CD46: variants seen among roughly 807,000 people sequenced by gnomAD.
The protein encoded by CD46 is CD46 molecule.
A neutral mutation model predicts 53.3 loss-of-function variants in CD46; 30 were observed. The observed-to-expected ratio is 0.56, with a 90% CI of 0.42 to 0.76. CD46 has a LOEUF of 0.76. Ranked by LOEUF, CD46 falls within the 30% of genes least tolerant of loss-of-function variation. CD46 has a pLI of 0.00. For synonymous variants in CD46, 142 were observed against 152.0 expected, an observed-to-expected ratio of 0.93 and a Z score of 0.48; for missense variants, 409 against 463.0, an observed-to-expected ratio of 0.88 and a Z score of 1.07.
At chr1:207,780,256 TATA>T (rs1658605312) in intron 8 of CD46, among the ~76,000 whole-genome samples, 1 of 152,052 alleles carries the variant, frequency 6.6e-6, no homozygotes, top group Non-Finnish European at 1.5e-5. Context: ...TTTATATAAT[TATA>T]ATAAGTGGAG....
intron 9 of CD46, among the ~76,000 whole-genome samples, chr1:207,783,990 C>T (rs548383865): frequency 6.6e-6 from 1 of 152,282 alleles, no homozygotes; most frequent in African/African-American, 2.4e-5. Flanking sequence ...GTACTAGGGA[C>T]AGAAACAGTT....
chr1:207,779,913 C>CTTTTTGTTTTTTTT (rs1658544202), intron 8 of CD46, among the ~76,000 whole-genome samples: 1 of 62,384 alleles, frequency 1.6e-5, no homozygotes, highest in Non-Finnish European at 3.0e-5. Flanking sequence ...AAAAGCAAGT[C>CTTTTTGTTTTTTTT]TTTTTTTTTT....
intron 8 of CD46, among the ~76,000 whole-genome samples, chr1:207,775,938 C>T (rs1658052558): frequency 6.6e-6 from 1 of 152,216 alleles, no homozygotes; most frequent in Admixed American, 6.5e-5. Context: ...GCAGAAGCTG[C>T]TGCGTTTTGT....
chr1:207,761,504 A>G lies in CD46; in HGVS notation c.673+58A>G, dbSNP rs4844390. On this transcript the variant is annotated intron_variant, in intron 5 of 12. Coordinates refer to ENST00000367042, the MANE Select transcript of CD46 (RefSeq NM_172351.3). ...TAAATACTATGGAAACATTTTGTAA[A>G]TAGTTTCATCTACAGATAAACAAAG... The G allele has an allele frequency of 0.2, 279,216 of 1,402,798 alleles. 30,650 individuals are homozygous for G. The highest frequency in any genetic ancestry group is 0.27 in the Admixed American group (15,713 of 59,146). The allele number at this position is 1,402,798 out of a possible 1,614,324, so 86.9% of individuals were successfully genotyped here.
chr1:207,757,466 A>C, intron 2 of CD46, 74 bp from the exon 3 acceptor site: 1 of 918,184 alleles, frequency 1.1e-6, no homozygotes, highest in Non-Finnish European at 1.8e-6. Flanking sequence ...TCAAAAGAGC[A>C]CTGCAGAATT....
intron 9 of CD46, chr1:207,783,586 G>A (rs1658992974): frequency 6.6e-6 from 2 of 302,930 alleles, no homozygotes; most frequent in Admixed American, 4.7e-5. Flanking sequence ...AGCAATCTAA[G>A]TTGGGTTTAT....
At chr1:207,776,055 T>C (rs1658067632) in intron 8 of CD46, among the ~76,000 whole-genome samples, 1 of 152,194 alleles carries the variant, frequency 6.6e-6, no homozygotes, top group South Asian at 2.1e-4. Context: ...GTTTACACTG[T>C]GAGCTACTCA....
In CD46 at chr1:207,760,994, G is replaced by A. The variant is rs954002356; in HGVS notation, c.476-255G>A. 8 of 452,432 alleles carry A rather than the reference G, an allele frequency of 1.8e-5. No homozygotes were observed. In the Admixed American group the frequency reaches 2.9e-4, roughly 16 times the overall value. The allele number at this position is 452,432 out of a possible 1,614,324, so 28.0% of individuals were successfully genotyped here. A position where few individuals can be genotyped will look rare whatever the true frequency, so the allele number is the denominator to read the frequency against. On this transcript the variant is annotated intron_variant, in intron 4 of 12. Coordinates refer to ENST00000367042, the MANE Select transcript of CD46 (RefSeq NM_172351.3). The stretch of plus-strand genomic sequence containing the variant: ...TACAATTTGACATGCGATTTGGTGG[G>A]GACACAGATCCAAACCATATCAATA...
At chr1:207,793,418 A>G (rs1437805223) in intron 12 of CD46, 101 bp from the exon 13 acceptor site, 27 of 864,550 alleles carry the variant, frequency 3.1e-5, no homozygotes, top group Non-Finnish European at 4.4e-5. Flanking sequence ...GCTCATTACT[A>G]TATTTTTTTA....
chr1:207,783,366 T>G, intron 9 of CD46, 36 bp downstream of exon 9: 1 of 1,331,520 alleles, frequency 7.5e-7, no homozygotes, highest in Admixed American at 1.7e-5. Flanking sequence ...TAAGTGGTAG[T>G]ATGTGTAGAA....
chr1:207,763,370 C>G (rs1433914725), intron 5 of CD46: 1 of 152,456 alleles, frequency 6.6e-6, no homozygotes, highest in East Asian at 1.9e-4. Context: ...CTAATTCCAG[C>G]AGGGTCTGCA....
At chr1:207,760,077 C>T in intron 4 of CD46, 1 of 218,140 alleles carries the variant, frequency 4.6e-6, no homozygotes, top group Middle Eastern at 1.9e-3. Context: ...GGGGTTTTGC[C>T]ATGATGCCCA....
At chr1:207,760,232 T>G (rs2724388) in intron 4 of CD46, 93,585 of 152,796 alleles carry the variant, frequency 0.61, 29,050 homozygotes, top group East Asian at 0.91. Context: ...ACATAATTTT[T>G]ATGAAAAATA....
intron 3 of CD46, among the ~76,000 whole-genome samples, chr1:207,758,025 T>C (rs1481657894): frequency 2.6e-5 from 4 of 152,194 alleles, no homozygotes; most frequent in Non-Finnish European, 5.9e-5. Flanking sequence ...CAGATGACTC[T>C]GTAAAGTGTT....
At position 207,793,619 on chromosome 1, in the gene CD46, T is replaced by G; in HGVS notation, c.*142T>G. 6.3e-7 allele frequency: 1 copy of G among 1,584,666 alleles called. No individual in the cohort carries two copies. The highest frequency in any genetic ancestry group is 8.7e-7 in the Non-Finnish European group (1 of 1,153,326). Reference sequence around the variant, plus strand: ...AGATTCCACAACCTGGTTTGCCAGTTCATCTTTTGACTCTATTAAAATCTT... The same window carrying G: ...AGATTCCACAACCTGGTTTGCCAGTGCATCTTTTGACTCTATTAAAATCTT... On this transcript the variant is annotated 3_prime_UTR_variant, in exon 13 of 13. Transcript: ENST00000367042.
intron 5 of CD46, among the ~76,000 whole-genome samples, chr1:207,764,398 G>T (rs1044497390): frequency 6.6e-6 from 1 of 152,182 alleles, no homozygotes; most frequent in Non-Finnish European, 1.5e-5. Context: ...GATCTTGAGA[G>T]TCCTTGACGG....
rs772575669 is a variant in CD46 at position 207,783,347 on chromosome 1, T to A, written c.982+17T>A. ...ACAGTTTGGGTTGGTATAGCTATCA[T>A]GACAAATATAAGTGGTAGTATGTGT... On this transcript the variant is annotated intron_variant, in intron 9 of 12. Coordinates refer to ENST00000367042, the MANE Select transcript of CD46 (RefSeq NM_172351.3). The A allele has an allele frequency of 6.7e-7, 1 of 1,495,138 alleles. No homozygotes were observed. Among genetic ancestry groups the A allele is most frequent in the South Asian group, 1.1e-5 (1 of 88,392 alleles). The allele number at this position is 1,495,138 out of a possible 1,614,324, so 92.6% of individuals were successfully genotyped here.
At position 207,793,544 on chromosome 1, in the gene CD46, G is replaced by A. The variant is rs1659997934; in HGVS notation, c.*67G>A. The A allele has an allele frequency of 6.2e-7, 1 of 1,613,948 alleles. No individual in the cohort carries two copies. Among genetic ancestry groups the A allele is most frequent in the Non-Finnish European group, 8.5e-7 (1 of 1,179,846 alleles). On this transcript the variant is annotated 3_prime_UTR_variant, in exon 13 of 13. Transcript: ENST00000367042. ...GAAAGCAGATGGTGGAGCTGAATATGCCACTTACCAGACTAAATCAACCAC... is the reference window on the plus strand; with the variant it reads ...GAAAGCAGATGGTGGAGCTGAATATACCACTTACCAGACTAAATCAACCAC...
At chr1:207,759,830 C>A in intron 4 of CD46, 106 bp downstream of exon 4, 1 of 680,784 alleles carries the variant, frequency 1.5e-6, no homozygotes, top group Non-Finnish European at 2.6e-6. Flanking sequence ...AAAGAGGTTT[C>A]TTTTATGTGG....
Sources: gnomAD v4.1 joint callset for allele counts (sites outside exome capture counted in the v4.1 genomes callset) on GRCh38, gnomAD v4.1.1 for gene constraint, MANE v1.5 for transcripts, NCBI Gene and HGNC (gene_info 2026-07-23, HGNC 2026-07-21) for gene names.